Variants in STX11 observed in about 807,000 individuals in gnomAD.
STX11 encodes the protein syntaxin-11.
STX11 carries 21 observed loss-of-function variants against 19.9 expected under a neutral mutation model. The observed-to-expected ratio is 1.06, with a 90% CI of 0.75 to 1.52. The LOEUF (loss-of-function observed/expected upper bound fraction) is 1.52. Among genes scored for constraint, STX11 ranks in the 40% most tolerant of loss-of-function variants. STX11 has a pLI of 0.00. For synonymous variants in STX11, 193 were observed against 174.4 expected (o/e 1.11, Z -0.84); for missense variants, 438 against 405.9 (o/e 1.08, Z -0.68).
At chr6:144,144,905 C>T in the STX11 span, among the ~76,000 whole-genome samples, 1 of 152,064 alleles carries the variant, frequency 6.6e-6, no homozygotes, top group Non-Finnish European at 1.5e-5. Flanking sequence ...TAAGTGTTGG[C>T]AAGGAGGTGG....
chr6:144,158,843 T>G (rs1801248695), intron 1 of STX11, among the ~76,000 whole-genome samples: 1 of 152,232 alleles, frequency 6.6e-6, no homozygotes, highest in South Asian at 2.1e-4. Flanking sequence ...TTTTTACTCC[T>G]GAAACACCAA....
At position 144,177,340 on chromosome 6, in the gene STX11, C is replaced by A. The variant is rs201706706; in HGVS notation, c.-5-9283C>A. On this transcript the variant is annotated intron_variant, in intron 1 of 1. Transcript: ENST00000367568. This position sits in a 1 kb window ranked among gnomAD's most constrained non-coding sequence, Gnocchi z 4.4. ...AAAGGGAAATCAGATGTAAGAGTTA[C>A]AACAACTGTTTTAGTTTGTAAATAC... 0.038 allele frequency among the ~76,000 whole-genome samples: 5,861 copies of A among 152,284 alleles called. 242 individuals are homozygous for A. The highest frequency in any genetic ancestry group is 0.2 in the East Asian group (1,050 of 5,174).
rs1045257074 is a variant in STX11 at position 144,154,506 on chromosome 6, C to A, written c.-6+3803C>A. On this transcript the variant is annotated intron_variant, in intron 1 of 1. Transcript: ENST00000367568. This position sits in a 1 kb window ranked among gnomAD's most constrained non-coding sequence, Gnocchi z 4.7. ...GTCTACAGAGCTGCCTTGGTTACCA[C>A]CCCTCCTAAACACTGAATGCTCAAC... 3.3e-5 allele frequency among the ~76,000 whole-genome samples: 5 copies of A among 152,112 alleles called. No individual in the cohort carries two copies. The highest frequency in any genetic ancestry group is 1.2e-4 in the African/African-American group (5 of 41,404).
intron 1 of STX11, 86 bp from the exon 2 acceptor site, chr6:144,186,537 T>G: frequency 1.3e-6 from 2 of 1,572,194 alleles, no homozygotes; most frequent in African/African-American, 1.4e-5. Context: ...TTGGGACTGC[T>G]GAGTAAAATG....
At chr6:144,140,492 T>C in the STX11 span, among the ~76,000 whole-genome samples, 1 of 151,794 alleles carries the variant, frequency 6.6e-6, no homozygotes, top group African/African-American at 2.4e-5. Context: ...TGACCTCAAG[T>C]GATCCTCCCA....
At position 144,183,346 on chromosome 6, in the gene STX11, T is replaced by C. The variant is rs1801952401; in HGVS notation, c.-5-3277T>C. Among the ~76,000 whole-genome samples the C allele has an allele frequency of 6.6e-6, 1 of 152,250 alleles. No individual in the cohort carries two copies. Among genetic ancestry groups the C allele is most frequent in the Admixed American group, 6.5e-5 (1 of 15,280 alleles). On this transcript the variant is annotated intron_variant, in intron 1 of 1. Coordinates refer to ENST00000367568, the MANE Select transcript of STX11 (RefSeq NM_003764.4). The surrounding 1 kb of genome is among the most constrained non-coding windows in gnomAD (Gnocchi z 4.6). ...GACTTATGTAGAAGCCAGGACCTCA[T>C]TATTGTGCATTTAACTTATTTCTGA...
At position 144,187,492 on chromosome 6, in the gene STX11, C is replaced by A; in HGVS notation, c.*1C>A. The stretch of plus-strand genomic sequence containing the variant: ...CTTCTGCTGTCCCTGCCTCAAGTAG[C>A]AGGCCGGCCCGGGCCGCCACCGCCC... On this transcript the variant is annotated 3_prime_UTR_variant, in exon 2 of 2. Transcript: ENST00000367568. The surrounding 1 kb of genome is among the most constrained non-coding windows in gnomAD (Gnocchi z 5.6). 6.2e-7 allele frequency: 1 copy of A among 1,611,890 alleles called. No homozygotes were observed.
intron 1 of STX11, among the ~76,000 whole-genome samples, chr6:144,166,083 T>C (rs1307673392): frequency 6.6e-6 from 1 of 152,212 alleles, no homozygotes; most frequent in Non-Finnish European, 1.5e-5. Context: ...CTTTTAAGGC[T>C]TCTGTCTGTT....
rs1206615510 is a variant in STX11 at position 144,182,229 on chromosome 6, G to A, written c.-5-4394G>A. 2.0e-5 allele frequency among the ~76,000 whole-genome samples: 3 copies of A among 152,208 alleles called. No homozygotes were observed. The highest frequency in any genetic ancestry group is 7.2e-5 in the African/African-American group (3 of 41,446). On this transcript the variant is annotated intron_variant, in intron 1 of 1. Transcript: ENST00000367568. The surrounding 1 kb of genome is among the most constrained non-coding windows in gnomAD (Gnocchi z 4.8). ...TATATTTTTGTATAACTTCAGTAGT[G>A]TATACACTTTTAACCTTTTTGGAGA...
the STX11 span, among the ~76,000 whole-genome samples, chr6:144,141,706 T>A: frequency 6.6e-6 from 1 of 151,918 alleles, no homozygotes; most frequent in Non-Finnish European, 1.5e-5. Flanking sequence ...TGAGACAGGG[T>A]CTCATTCCAT....
chr6:144,168,556 G>A (rs575647067), intron 1 of STX11, among the ~76,000 whole-genome samples: 42 of 152,208 alleles, frequency 2.8e-4, no homozygotes, highest in African/African-American at 9.4e-4. Flanking sequence ...GACTCTGAAG[G>A]TATATTTTTT....
At position 144,176,693 on chromosome 6, in the gene STX11, C is replaced by A. The variant is rs919871314; in HGVS notation, c.-5-9930C>A. On this transcript the variant is annotated intron_variant, in intron 1 of 1. Coordinates refer to ENST00000367568, the MANE Select transcript of STX11 (RefSeq NM_003764.4). The surrounding 1 kb of genome is among the most constrained non-coding windows in gnomAD (Gnocchi z 4.1). ...CCCAGGAAAGAGAAACATTTTAAAT[C>A]AAATCAAGCTGATCTTTGAACACAT... Among the ~76,000 whole-genome samples, 1 of 152,130 alleles carries A rather than the reference C, an allele frequency of 6.6e-6. No individual in the cohort carries two copies. Among genetic ancestry groups the A allele is most frequent in the Non-Finnish European group, 1.5e-5 (1 of 68,010 alleles).
upstream of STX11, among the ~76,000 whole-genome samples, chr6:144,148,886 C>T (rs553391956): frequency 1.3e-5 from 2 of 152,334 alleles, no homozygotes; most frequent in South Asian, 2.1e-4. Flanking sequence ...TGAGCCACGT[C>T]TGGACTGTAC....
Position 144,190,098 on chromosome 6 carries a change from A to G in STX11, c.*2607A>G, listed in dbSNP as rs1413553145. ...TTGGAGAGTTCGGTACAGACTGTCC[A>G]TTACTGCACCAAAAGAATGAGTGAA... On this transcript the variant is annotated 3_prime_UTR_variant, in exon 2 of 2. Coordinates refer to ENST00000367568, the MANE Select transcript of STX11 (RefSeq NM_003764.4). Among the ~76,000 whole-genome samples, 3 of 152,244 alleles carry G rather than the reference A, an allele frequency of 2.0e-5. No homozygotes were observed. The highest frequency in any genetic ancestry group is 4.4e-5 in the Non-Finnish European group (3 of 68,044).
In STX11 at chr6:144,160,205, A is replaced by G. The variant is rs889923832; in HGVS notation, c.-6+9502A>G. Among the ~76,000 whole-genome samples the G allele has an allele frequency of 2.6e-5, 4 of 151,950 alleles. No individual in the cohort carries two copies. The highest frequency in any genetic ancestry group is 9.7e-5 in the African/African-American group (4 of 41,376). On this transcript the variant is annotated intron_variant, in intron 1 of 1. Coordinates refer to ENST00000367568, the MANE Select transcript of STX11 (RefSeq NM_003764.4). The surrounding 1 kb of genome is among the most constrained non-coding windows in gnomAD (Gnocchi z 4.3). The stretch of plus-strand genomic sequence containing the variant: ...TTTTTAGTAGAGACGGGGTTTCACT[A>G]TATTTGGCCAGGCTGGTCTCGAACT...
At position 144,181,412 on chromosome 6, in the gene STX11, T is replaced by C. The variant is rs144819969; in HGVS notation, c.-5-5211T>C. Among the ~76,000 whole-genome samples the C allele has an allele frequency of 8.8e-3, 1,341 of 151,916 alleles. 22 individuals carry two copies. Among genetic ancestry groups the C allele is most frequent in the African/African-American group, 0.031 (1,276 of 41,424 alleles). On this transcript the variant is annotated intron_variant, in intron 1 of 1. Transcript: ENST00000367568. ...GAGTTTGAGACCAGCTTGGCCAACA[T>C]GGTGAAACCCCATCTCTACTAAAAA...
rs976943512 is a variant in STX11 at position 144,167,780 on chromosome 6, G to A, written c.-6+17077G>A. The stretch of plus-strand genomic sequence containing the variant: ...AATACAGGTGTACACCACTGCTCTC[G>A]GCTAATTATTGTAGTTTGTTGTAGA... On this transcript the variant is annotated intron_variant, in intron 1 of 1. Coordinates refer to ENST00000367568, the MANE Select transcript of STX11 (RefSeq NM_003764.4). This position sits in a 1 kb window ranked among gnomAD's most constrained non-coding sequence, Gnocchi z 5.0. 6.6e-5 allele frequency among the ~76,000 whole-genome samples: 10 copies of A among 151,938 alleles called. No individual in the cohort carries two copies. Among genetic ancestry groups the A allele is most frequent in the African/African-American group, 2.2e-4 (9 of 41,346 alleles).
At chr6:144,147,427 G>A (rs376733663), upstream of STX11, among the ~76,000 whole-genome samples, 1 of 152,074 alleles carries the variant, frequency 6.6e-6, no homozygotes, top group East Asian at 1.9e-4. This position sits in a 1 kb window ranked among gnomAD's most constrained non-coding sequence, Gnocchi z 4.2. Context: ...CTCCTGAAAC[G>A]TGCTCTCTCT....
chr6:144,150,716 C>T lies in STX11; in HGVS notation c.-6+13C>T. 2.0e-6 allele frequency: 2 copies of T among 983,292 alleles called. No individual in the cohort carries two copies. The highest frequency in any genetic ancestry group is 2.4e-6 in the Non-Finnish European group (2 of 829,510). 60.9% of individuals were successfully genotyped at this position (983,292 alleles called of 1,614,324 possible). A position where few individuals can be genotyped will look rare whatever the true frequency, so the allele number is the denominator to read the frequency against. ...GCTCCCAGTCCAGGTTTGTTTTTCTCTTCCTGAGCCCCCATTTCTCTTCCT... is the reference window on the plus strand; with the variant it reads ...GCTCCCAGTCCAGGTTTGTTTTTCTTTTCCTGAGCCCCCATTTCTCTTCCT... On this transcript the variant is annotated intron_variant, in intron 1 of 1. Transcript: ENST00000367568.
Sources: allele counts gnomAD v4.1 joint callset (sites outside exome capture counted in the v4.1 genomes callset), GRCh38; gene constraint gnomAD v4.1.1; non-coding constraint Gnocchi (gnomAD v3.1); transcripts MANE v1.5; gene names NCBI Gene and HGNC (gene_info 2026-07-23, HGNC 2026-07-21).